The following ERC1 variants were observed in gnomAD, a reference collection of about 807,000 sequenced individuals.
The protein encoded by ERC1 is RAB6 interacting protein 2.
Under a neutral mutation model 132.0 loss-of-function variants are expected in ERC1, and 56 were observed. The observed-to-expected ratio is 0.42, with a 90% CI of 0.34 to 0.53. The LOEUF (loss-of-function observed/expected upper bound fraction) is 0.53, where lower values mean the gene tolerates loss of function less well. Among genes scored for constraint, ERC1 ranks in the 20% least tolerant of loss-of-function variants. ERC1 has a pLI of 0.03. For missense variants in ERC1, 1,202 were observed against 1,349.9 expected (o/e 0.89, Z 1.72); for synonymous variants, 478 against 476.1 (o/e 1.00, Z -0.05).
chr12:996,236 C>T (rs1306245285), intron 1 of ERC1, among the ~76,000 whole-genome samples: 3 of 146,894 alleles, frequency 2.0e-5, no homozygotes, highest in African/African-American at 7.5e-5. Flanking sequence ...CAGGTGCCCG[C>T]CACCATGCCT....
intron 2 of ERC1, among the ~76,000 whole-genome samples, chr12:1,034,101 T>C (rs756443706): frequency 3.3e-5 from 5 of 152,166 alleles, no homozygotes; most frequent in Non-Finnish European, 7.4e-5. Flanking sequence ...AAAAATGAGA[T>C]TGGTAAATTT....
rs1297596305 is a variant in ERC1, at chr12:1,210,744, C to T, written c.2351+20692C>T. Among the ~76,000 whole-genome samples, 5 of 152,102 alleles carry T rather than the reference C, an allele frequency of 3.3e-5. No individual in the cohort carries two copies. The East Asian group carries it at 5.8e-4, about 18-fold the overall frequency. On this transcript the variant is annotated intron_variant, in intron 12 of 18. Coordinates refer to ENST00000360905, the MANE Select transcript of ERC1 (RefSeq NM_178040.4). ...GGCATGGTGGCTCACGCCTGTAATC[C>T]CAGCATTTTGGGAGGCCGAGGCAGA...
intron 14 of ERC1, among the ~76,000 whole-genome samples, chr12:1,281,597 G>A (rs1434377655): frequency 1.3e-5 from 2 of 152,200 alleles, no homozygotes; most frequent in Non-Finnish European, 2.9e-5. Context: ...AGGAGCTTAT[G>A]TGTACCCAGT....
intron 7 of ERC1, among the ~76,000 whole-genome samples, chr12:1,127,502 T>C (rs1412041536): frequency 6.6e-6 from 1 of 152,086 alleles, no homozygotes; most frequent in Non-Finnish European, 1.5e-5. Flanking sequence ...CTATCTATGT[T>C]TACTTTTTTT....
intron 11 of ERC1, among the ~76,000 whole-genome samples, chr12:1,184,859 C>A (rs540914299): frequency 1.3e-5 from 2 of 152,128 alleles, no homozygotes; most frequent in East Asian, 3.9e-4. Context: ...TATAAGTGAT[C>A]TTCCTGCCTC....
chr12:1,340,399 C>G (rs1350531815), intron 15 of ERC1, among the ~76,000 whole-genome samples: 1 of 152,148 alleles, frequency 6.6e-6, no homozygotes, highest in Admixed American at 6.5e-5. Flanking sequence ...CCACACCAAA[C>G]CCTCTGGGTT....
At chr12:1,429,045 T>C (rs1280680488) in intron 17 of ERC1, among the ~76,000 whole-genome samples, 4 of 152,222 alleles carry the variant, frequency 2.6e-5, no homozygotes, top group African/African-American at 4.8e-5. Flanking sequence ...CAGATGGCTT[T>C]TTTTTGGTGA....
chr12:1,091,857 G>T (rs1242033219), intron 3 of ERC1, among the ~76,000 whole-genome samples: 1 of 152,150 alleles, frequency 6.6e-6, no homozygotes, highest in Non-Finnish European at 1.5e-5. Flanking sequence ...GACTTGAAAT[G>T]ATTGCTGGAG....
chr12:1,097,105 C>T (rs1038529024), intron 3 of ERC1, among the ~76,000 whole-genome samples: 5 of 151,610 alleles, frequency 3.3e-5, no homozygotes, highest in African/African-American at 4.8e-5. Context: ...TTTTTTTTCT[C>T]GTGCAGTTGG....
At chr12:1,422,154 A>C (rs757178021) in intron 17 of ERC1, among the ~76,000 whole-genome samples, 6 of 152,186 alleles carry the variant, frequency 3.9e-5, no homozygotes, top group Non-Finnish European at 8.8e-5. Flanking sequence ...TTGCAGAGGG[A>C]CTATTATCAT....
intron 12 of ERC1, among the ~76,000 whole-genome samples, chr12:1,227,470 G>C (rs149856302): frequency 2.3e-4 from 35 of 152,236 alleles, no homozygotes; most frequent in Admixed American, 4.6e-4. Flanking sequence ...GTCTTCTTTC[G>C]AGAAATGTCT....
At chr12:1,146,733 C>T (rs1950409633) in intron 8 of ERC1, among the ~76,000 whole-genome samples, 1 of 151,568 alleles carries the variant, frequency 6.6e-6, no homozygotes, top group Admixed American at 6.6e-5. Context: ...ATTAACTCGT[C>T]ATTTAGCATT....
intron 17 of ERC1, among the ~76,000 whole-genome samples, chr12:1,439,345 G>A (rs2093038915): frequency 6.6e-6 from 1 of 152,188 alleles, no homozygotes; most frequent in Non-Finnish European, 1.5e-5. Context: ...CAACCTCACT[G>A]AAGTGGAAAC....
At chr12:1,048,546 C>T (rs778163497) in intron 2 of ERC1, among the ~76,000 whole-genome samples, 1 of 152,156 alleles carries the variant, frequency 6.6e-6, no homozygotes, top group Non-Finnish European at 1.5e-5. Flanking sequence ...GAAGTGGATA[C>T]AATTGCGATA....
At chr12:1,247,926 G>T (rs2076252757) in intron 13 of ERC1, among the ~76,000 whole-genome samples, 1 of 152,194 alleles carries the variant, frequency 6.6e-6, no homozygotes, top group Admixed American at 6.5e-5. Flanking sequence ...AACCTGGGAG[G>T]TGGAGGTTGC....
Position 1,083,362 on chromosome 12 carries a change from G to C in ERC1, c.868G>C (p.Glu290Gln), listed in dbSNP as rs1942505316. The change falls in exon 3 of 19, where the codon GAA (glutamate) becomes CAA (glutamine). Residue 290 changes from glutamate to glutamine, a missense_variant. Physicochemically the swap from Glu to Gln is conservative, Grantham distance 29. Coordinates refer to ENST00000360905, the MANE Select transcript of ERC1 (RefSeq NM_178040.4). ...GTTTCTTCTTCGAAAGACATTGGAGGAAATGGAGCTGCGTATTGAGACTCA... is the reference window on the plus strand; with the variant it reads ...GTTTCTTCTTCGAAAGACATTGGAGCAAATGGAGCTGCGTATTGAGACTCA... ...ELFLLRKTLE[E>Q]MELRIETQKQ... The C allele has an allele frequency of 6.2e-7, 1 of 1,614,032 alleles. No homozygotes were observed. Among genetic ancestry groups the C allele is most frequent in the South Asian group, 1.1e-5 (1 of 91,068 alleles).
intron 8 of ERC1, chr12:1,152,209 A>G (rs1194249517): frequency 2.0e-5 from 3 of 151,478 alleles, no homozygotes; most frequent in African/African-American, 7.3e-5. Context: ...TCAAAAAGAA[A>G]AAAAAAAAAA....
rs2094321703 is a variant in ERC1 at position 1,491,872 on chromosome 12, C to A, written c.*1642C>A. On this transcript the variant is annotated 3_prime_UTR_variant, in exon 19 of 19. Transcript: ENST00000360905. Reference sequence around the variant, plus strand: ...GCAGGAACTTAACCCAAATCTAGTTCTTTGACCACCTCTACCACCAGAACC... The same window carrying A: ...GCAGGAACTTAACCCAAATCTAGTTATTTGACCACCTCTACCACCAGAACC... 8.6e-6 allele frequency: 2 copies of A among 232,682 alleles called. No individual in the cohort carries two copies. The highest frequency in any genetic ancestry group is 1.7e-5 in the Non-Finnish European group (2 of 117,684). 14.4% of individuals were successfully genotyped at this position (232,682 alleles called of 1,614,324 possible).
intron 12 of ERC1, among the ~76,000 whole-genome samples, chr12:1,210,505 T>G (rs940708426): frequency 6.6e-6 from 1 of 152,208 alleles, no homozygotes; most frequent in Admixed American, 6.5e-5. Flanking sequence ...CAAAACTAGT[T>G]CTTTTTGCAA....
Sources: allele counts gnomAD v4.1 joint callset (sites outside exome capture counted in the v4.1 genomes callset), GRCh38; gene constraint gnomAD v4.1.1; transcripts MANE v1.5; gene names NCBI Gene and HGNC (gene_info 2026-07-23, HGNC 2026-07-21).